FRMPD4: variants seen among roughly 807,000 people sequenced by gnomAD.
FRMPD4 encodes FERM and PDZ domain containing 4, also known as FERM and PDZ domain-containing protein 4.
A neutral mutation model predicts 94.1 loss-of-function variants in FRMPD4; 22 were observed. The ratio of observed to expected loss-of-function variants is 0.23; its 90% confidence interval spans 0.17 to 0.33. The LOEUF (loss-of-function observed/expected upper bound fraction) is 0.33, where lower values mean the gene tolerates loss of function less well. Among genes scored for constraint, FRMPD4 ranks in the 10% least tolerant of loss-of-function variants. The probability of loss-of-function intolerance (pLI) is 1.00; values close to 1 mark genes in which losing one functional copy is unlikely to be tolerated. For synonymous variants in FRMPD4, 631 were observed against 548.6 expected, an observed-to-expected ratio of 1.15 and a Z score of -2.10; for missense variants, 1,111 against 1,339.9, an observed-to-expected ratio of 0.83 and a Z score of 2.67.
intron 2 of FRMPD4, among the ~76,000 whole-genome samples, chrX:12,502,638 C>A (rs1315984493): frequency 1.8e-5 from 2 of 111,126 alleles, no homozygotes; most frequent in East Asian, 2.8e-4. Flanking sequence ...ATTATAGATC[C>A]AATCATAGAT....
At chrX:12,239,779 G>A (rs900668813) in intron 1 of FRMPD4, among the ~76,000 whole-genome samples, 1 of 111,955 alleles carries the variant, frequency 8.9e-6, no homozygotes, top group Non-Finnish European at 1.9e-5. Context: ...GGTGAGAGCC[G>A]AATTCCTGGC....
intron 1 of FRMPD4, among the ~76,000 whole-genome samples, chrX:12,230,109 G>T (rs1309890187): frequency 1.8e-5 from 2 of 111,014 alleles, no homozygotes; most frequent in East Asian, 5.7e-4. Flanking sequence ...TTTACCCACA[G>T]ACTGTCCCTG....
At chrX:12,202,590 A>G (rs760022006) in intron 1 of FRMPD4, among the ~76,000 whole-genome samples, 3 of 112,159 alleles carry the variant, frequency 2.7e-5, no homozygotes, top group South Asian at 3.7e-4. Context: ...TAGGAGGCAA[A>G]TTTTGTTTTT....
At chrX:12,398,350 A>G (rs1382755378) in intron 1 of FRMPD4, among the ~76,000 whole-genome samples, 1 of 112,248 alleles carries the variant, frequency 8.9e-6, no homozygotes, top group Non-Finnish European at 1.9e-5. Context: ...CCAATGTTGT[A>G]TAAAGTAAAA....
chrX:11,947,217 G>C (rs1394500547), intron 3 of FRMPD4, among the ~76,000 whole-genome samples: 4 of 111,966 alleles, frequency 3.6e-5, no homozygotes. Context: ...TCTAAAATCT[G>C]AAAGATCCTG....
chrX:12,481,274 C>T (rs1001493044), intron 1 of FRMPD4, among the ~76,000 whole-genome samples: 2 of 111,562 alleles, frequency 1.8e-5, no homozygotes, highest in Non-Finnish European at 3.8e-5. Flanking sequence ...CACTCTCCCA[C>T]CTAGGCCCCC....
At chrX:11,954,375 C>T (rs757305720) in intron 3 of FRMPD4, among the ~76,000 whole-genome samples, 109 of 112,106 alleles carry the variant, frequency 9.7e-4, no homozygotes, top group Non-Finnish European at 1.5e-3. Flanking sequence ...AAATCTGGTA[C>T]GTACAATATG....
chrX:12,027,274 G>A (rs1316984236), intron 3 of FRMPD4, among the ~76,000 whole-genome samples: 2 of 111,993 alleles, frequency 1.8e-5, no homozygotes, highest in Non-Finnish European at 3.8e-5. Context: ...CTTTTTAGAT[G>A]GCTTATTACT....
chrX:12,422,566 G>C (rs1398446377), intron 1 of FRMPD4, among the ~76,000 whole-genome samples: 1 of 111,935 alleles, frequency 8.9e-6, no homozygotes, highest in Non-Finnish European at 1.9e-5. Context: ...CTCGGTGCCT[G>C]GTACCCAGGA....
intron 2 of FRMPD4, among the ~76,000 whole-genome samples, chrX:12,507,784 G>A (rs1186643931): frequency 4.5e-5 from 5 of 111,579 alleles, no homozygotes; most frequent in Admixed American, 2.8e-4. Context: ...GGTTGTTCTA[G>A]GAACAATGTC....
chrX:12,107,428 A>T (rs772320793), intron 3 of FRMPD4, among the ~76,000 whole-genome samples: 2 of 112,113 alleles, frequency 1.8e-5, no homozygotes, highest in African/African-American at 6.5e-5. Context: ...CCAAAGGTAG[A>T]TGAAACCACA....
chrX:12,609,762 A>G lies in FRMPD4; in HGVS notation c.200A>G (p.Glu67Gly), dbSNP rs754916455. The G allele has an allele frequency of 3.3e-6, 4 of 1,206,674 alleles. No homozygotes were observed. The Admixed American group carries it at 8.7e-5, about 26-fold the overall frequency. ...ATCCCTTTTGACGACCCTCGGTTAG[A>G]GAGCTGCCAAATCATCCCTCCGGCT... ...QAIPFDDPRLESCQIIPPAPR... is the reference protein window; with the variant it reads ...QAIPFDDPRLGSCQIIPPAPR... The change falls in exon 3 of 17, where the codon GAG becomes GGG. Residue 67 changes from glutamate to glycine, a missense_variant. Physicochemically the swap from Glu to Gly is moderately conservative, Grantham distance 98. Coordinates refer to ENST00000675598, the MANE Select transcript of FRMPD4 (RefSeq NM_001368397.1).
chrX:12,127,429 C>T (rs1454211624), intron 3 of FRMPD4, among the ~76,000 whole-genome samples: 1 of 111,678 alleles, frequency 9.0e-6, no homozygotes, highest in African/African-American at 3.3e-5. Context: ...ATAAGACCAT[C>T]AGATCTCATG....
chrX:12,508,991 CAAAAAAAAAA>C (rs770698547), intron 2 of FRMPD4, among the ~76,000 whole-genome samples: 1 of 30,538 alleles, frequency 3.3e-5, no homozygotes, highest in African/African-American at 1.5e-4. Context: ...GACTCTGTCT[CAAAAAAAAAA>C]AAAAAAAAAA....
intron 3 of FRMPD4, among the ~76,000 whole-genome samples, chrX:11,958,344 G>T (rs549940646): frequency 8.9e-6 from 1 of 112,108 alleles, no homozygotes; most frequent in Admixed American, 9.5e-5. Context: ...TTAGTTTAAA[G>T]ATCTTAATGG....
intron 3 of FRMPD4, among the ~76,000 whole-genome samples, chrX:11,899,032 C>T (rs1483039364): frequency 5.3e-5 from 6 of 112,201 alleles, no homozygotes; most frequent in African/African-American, 1.6e-4. Context: ...GCAATAGCTC[C>T]CTAAAAACTA....
chrX:11,852,799 A>G (rs530825513), intron 1 of FRMPD4, among the ~76,000 whole-genome samples: 14 of 111,809 alleles, frequency 1.3e-4, no homozygotes, highest in African/African-American at 3.9e-4. Context: ...ACTCCTACAC[A>G]ATAATAGAGG....
intron 4 of FRMPD4, among the ~76,000 whole-genome samples, chrX:12,644,375 G>A (rs1247087893): frequency 1.8e-5 from 2 of 112,138 alleles, no homozygotes; most frequent in African/African-American, 6.5e-5. Context: ...TGGCTATGCA[G>A]AGAGCATCTT....
chrX:12,463,692 G>GTTTTTTTT (rs1235218164), intron 1 of FRMPD4, among the ~76,000 whole-genome samples: 4 of 81,753 alleles, frequency 4.9e-5, no homozygotes, highest in African/African-American at 1.9e-4. Flanking sequence ...TTTTTTTTTT[G>GTTTTTTTT]TTTTTGTTTT....
Sources: allele counts gnomAD v4.1 joint callset (sites outside exome capture counted in the v4.1 genomes callset), GRCh38; gene constraint gnomAD v4.1.1; transcripts MANE v1.5; gene names NCBI Gene and HGNC (gene_info 2026-07-23, HGNC 2026-07-21).